The following WASHC4 variants were observed in gnomAD, a reference collection of about 807,000 sequenced individuals.
WASHC4 encodes the protein WASH complex subunit 7.
Under a neutral mutation model 166.6 loss-of-function variants are expected in WASHC4, and 86 were observed. The observed-to-expected ratio is 0.52, with a 90% confidence interval of 0.43 to 0.62. The LOEUF (loss-of-function observed/expected upper bound fraction) is 0.62. Among genes scored for constraint, WASHC4 ranks in the 20% least tolerant of loss-of-function variants. WASHC4 has a pLI of 0.00. For missense variants in WASHC4, 1,262 were observed against 1,382.4 expected (o/e 0.91, Z 1.38); for synonymous variants, 446 against 451.6 (o/e 0.99, Z 0.16).
Position 105,121,089 on chromosome 12 carries a change from G to GT in WASHC4, c.562-6dup. Reference sequence around the variant, plus strand: ...AGTGACTAAATGATAATCATTAAAGGTTTTTTGACAGACTATGTATGAGCA... The same window carrying GT: ...AGTGACTAAATGATAATCATTAAAGGTTTTTTTGACAGACTATGTATGAGCA... On this transcript the variant is annotated splice_polypyrimidine_tract_variant and intron_variant, in intron 8 of 32. Transcript: ENST00000332180. 1 of 1,590,904 alleles carries GT rather than the reference G, an allele frequency of 6.3e-7. No individual in the cohort carries two copies. The highest frequency in any genetic ancestry group is 8.6e-7 in the Non-Finnish European group (1 of 1,159,674).
chr12:105,137,170 A>G (rs1355893226), intron 14 of WASHC4, among the ~76,000 whole-genome samples: 1 of 79,508 alleles, frequency 1.3e-5, no homozygotes, highest in African/African-American at 5.7e-5. Flanking sequence ...TTGAGAAGCA[A>G]TATCCCTTTT....
chr12:105,118,314 TG>T (rs1880385669), intron 6 of WASHC4, 131 bp from the exon 7 acceptor site: 1 of 725,266 alleles, frequency 1.4e-6, no homozygotes, highest in African/African-American at 1.7e-5. Context: ...TGAACTTGTC[TG>T]GCTTTTGGTT....
chr12:105,142,669 T>C (rs1882968739), intron 19 of WASHC4, 111 bp downstream of exon 19: 2 of 674,344 alleles, frequency 3.0e-6, no homozygotes, highest in East Asian at 5.5e-5. Context: ...AATTGACTGT[T>C]TTGTAAACTG....
Position 105,141,190 on chromosome 12 carries a change from CT to C in WASHC4, c.1734del (p.Pro579HisfsTer4), listed in dbSNP as rs1882815609. ...AGAAAACATTTAAAGATGAAGAACT[CT>C]TTCCACTTCAAGTAGTCATGAAAAA... ...QMKTFKDEEL[F>X]PLQVVMKKLD... On this transcript the variant is annotated frameshift_variant, in exon 18 of 33. Coordinates refer to ENST00000332180, the MANE Select transcript of WASHC4 (RefSeq NM_015275.3). LOFTEE classifies it high-confidence loss of function. 6.2e-7 allele frequency: 1 copy of C among 1,613,456 alleles called. No individual in the cohort carries two copies. Among genetic ancestry groups the C allele is most frequent in the African/African-American group, 1.3e-5 (1 of 74,904 alleles).
chr12:105,119,790 C>T (rs1880552817), intron 7 of WASHC4, among the ~76,000 whole-genome samples: 2 of 152,184 alleles, frequency 1.3e-5, no homozygotes, highest in Non-Finnish European at 2.9e-5. Context: ...ATTATAAGCA[C>T]TATTTAAAAC....
chr12:105,149,284 C>T (rs1263066806), intron 24 of WASHC4: 1 of 985,306 alleles, frequency 1.0e-6, no homozygotes. Context: ...AAACTTCTCA[C>T]TGGACCATGG....
chr12:105,146,633 AT>A (rs1883320866), intron 23 of WASHC4, 107 bp downstream of exon 23: 3 of 706,468 alleles, frequency 4.2e-6, no homozygotes, highest in Non-Finnish European at 7.5e-6. Context: ...GAAACAAAAA[AT>A]AATTGTTTTC....
rs1327841926 is a variant in WASHC4 at position 105,137,959 on chromosome 12, C to A, written c.1400C>A (p.Pro467Gln). The A allele has an allele frequency of 6.2e-7, 1 of 1,613,086 alleles. No homozygotes were observed. Among genetic ancestry groups the A allele is most frequent in the East Asian group, 2.2e-5 (1 of 44,774 alleles). The change falls in exon 15 of 33, where the codon CCA becomes CAA. Residue 467 changes from proline (P) to glutamine (Q), a missense_variant. By Grantham distance (76) the Pro-to-Gln change is moderately conservative. Transcript: ENST00000332180. The stretch of plus-strand genomic sequence containing the variant: ...AATCTCTACATGTCCATGCAAAAGC[C>A]AATGACCAAAACCTCAGTTAAGGCA... ...TMNLYMSMQK[P>Q]MTKTSVKALC...
intron 16 of WASHC4, 60 bp downstream of exon 16, chr12:105,140,461 T>A (rs1488171982): frequency 1.8e-5 from 22 of 1,220,182 alleles, no homozygotes; most frequent in Non-Finnish European, 2.7e-5. Flanking sequence ...GTTCTTTCAT[T>A]GTTTTATATG....
intron 26 of WASHC4, among the ~76,000 whole-genome samples, chr12:105,155,424 A>G (rs953468539): frequency 2.6e-5 from 4 of 152,146 alleles, no homozygotes; most frequent in Non-Finnish European, 5.9e-5. Flanking sequence ...AGGGGCTGGA[A>G]TGGAGTGAGC....
intron 1 of WASHC4, among the ~76,000 whole-genome samples, chr12:105,108,486 A>G (rs1338572917): frequency 6.6e-6 from 1 of 152,196 alleles, no homozygotes; most frequent in Non-Finnish European, 1.5e-5. Flanking sequence ...TGCAGTTTCC[A>G]TCGCAGTTAT....
chr12:105,128,705 T>G (rs1411805775), intron 13 of WASHC4, among the ~76,000 whole-genome samples: 1 of 152,142 alleles, frequency 6.6e-6, no homozygotes, highest in African/African-American at 2.4e-5. Flanking sequence ...GTCCCAACCA[T>G]TTTGGATGAG....
rs1345286199 is a variant in WASHC4, at chr12:105,140,368, A to G, written c.1527A>G (p.Gln509=). The change falls in exon 16 of 33, where the codon CAA becomes CAG. Residue 509 remains glutamine (Q), a synonymous_variant. Coordinates refer to ENST00000332180, the MANE Select transcript of WASHC4 (RefSeq NM_015275.3). ...DSVSHITQHL[Q]HQALHSISVA... is the part of the protein sequence containing the mutation. ...TTTCACATATAACACAGCACCTTCA[A>G]CATCAGGCTCTTCATTCTATTTCTG... 1 of 1,613,686 alleles carries G rather than the reference A, an allele frequency of 6.2e-7. No individual in the cohort carries two copies. Among genetic ancestry groups the G allele is most frequent in the South Asian group, 1.1e-5 (1 of 91,068 alleles).
At position 105,164,743 on chromosome 12, in the gene WASHC4, C is replaced by T. The variant is rs1245083114; in HGVS notation, c.3454+3C>T. ...CCAAGAAAAGAAAGAGAAGGAAGGT[C>T]AGTGAGTGGTTTAAATTTGGAAAGA... On this transcript the variant is annotated splice_donor_region_variant and intron_variant, in intron 32 of 32. Transcript: ENST00000332180. The T allele has an allele frequency of 6.2e-7, 1 of 1,603,552 alleles. No homozygotes were observed. The highest frequency in any genetic ancestry group is 2.2e-5 in the East Asian group (1 of 44,736).
chr12:105,118,371 T>A, intron 6 of WASHC4, 75 bp from the exon 7 acceptor site: 1 of 1,047,174 alleles, frequency 9.5e-7, no homozygotes, highest in Non-Finnish European at 1.5e-6. Context: ...GTTAGAGTTG[T>A]TACCATAAAA....
rs372211839 is a variant in WASHC4, at chr12:105,111,251, C to G, written c.188C>G (p.Pro63Arg). The G allele has an allele frequency of 2.5e-6, 4 of 1,606,508 alleles. No individual in the cohort carries two copies. Among genetic ancestry groups the G allele is most frequent in the African/African-American group, 2.7e-5 (2 of 74,768 alleles). The change falls in exon 2 of 33, where the codon CCT becomes CGT. Residue 63 changes from proline to arginine, a missense_variant. Transcript: ENST00000332180. ...IGDVWDFNLD[P>R]IALKLLPYEQ... ...GATGTTTGGGATTTCAATCTTGATCCTATAGCATTAAAGGTTTGATTTGAT... is the reference window on the plus strand; with the variant it reads ...GATGTTTGGGATTTCAATCTTGATCGTATAGCATTAAAGGTTTGATTTGAT...
At position 105,127,172 on chromosome 12, in the gene WASHC4, A is replaced by T; in HGVS notation, c.1082A>T (p.Asp361Val). ...ACTGCTAATATTATTTGGTTTCCTG[A>T]TAATTTTCTGATCCAGAAAATACCA... ...TLTANIIWFPDNFLIQKIPAA... is the reference protein window; with the variant it reads ...TLTANIIWFPVNFLIQKIPAA... Residue 361 changes from aspartate to valine, a missense_variant, in exon 13 of 33, where the codon GAT (aspartate) becomes GTT (valine). Physicochemically the swap from Asp to Val is radical, Grantham distance 152. Transcript: ENST00000332180. The T allele has an allele frequency of 6.2e-7, 1 of 1,613,208 alleles. No homozygotes were observed. The highest frequency in any genetic ancestry group is 8.5e-7 in the Non-Finnish European group (1 of 1,179,328).
rs184458332 is a variant in WASHC4 at position 105,122,719 on chromosome 12, T to C, written c.786+481T>C. ...TTTTTCATTATTATTATAGCTGTTATGGTGATCAGTGGTTTCTGATGTTAC... is the reference window on the plus strand; with the variant it reads ...TTTTTCATTATTATTATAGCTGTTACGGTGATCAGTGGTTTCTGATGTTAC... On this transcript the variant is annotated intron_variant, in intron 10 of 32. Coordinates refer to ENST00000332180, the MANE Select transcript of WASHC4 (RefSeq NM_015275.3). Among the ~76,000 whole-genome samples the C allele has an allele frequency of 2.0e-5, 3 of 152,284 alleles. No individual in the cohort carries two copies. In the East Asian group the frequency reaches 5.8e-4, roughly 29 times the overall value.
chr12:105,128,786 AT>A (rs575190809), intron 13 of WASHC4, among the ~76,000 whole-genome samples: 12 of 136,630 alleles, frequency 8.8e-5, no homozygotes, highest in African/African-American at 3.0e-4. Context: ...TTTTTTTTTG[AT>A]TTTTTTTTAG....
Sources: gnomAD v4.1 joint callset for allele counts (sites outside exome capture counted in the v4.1 genomes callset) on GRCh38, gnomAD v4.1.1 for gene constraint, MANE v1.5 for transcripts, NCBI Gene and HGNC (gene_info 2026-07-23, HGNC 2026-07-21) for gene names.